ZNF281: variants seen among roughly 807,000 people sequenced by gnomAD.
ZNF281 encodes zinc finger protein 281, also known as GC-box-binding zinc finger protein 1.
ZNF281 carries 2 observed loss-of-function variants against 58.8 expected under a neutral mutation model. The ratio of observed to expected loss-of-function variants is 0.03; its 90% CI spans 0.01 to 0.11. ZNF281 has a LOEUF of 0.11. ZNF281 is among the 10% of genes least tolerant of loss of function. The pLI, the probability that ZNF281 is intolerant of heterozygous loss-of-function variation, is 1.00. For missense variants in ZNF281, 975 were observed against 1,090.7 expected, an observed-to-expected ratio of 0.89 and a Z score of 1.49; for synonymous variants, 465 against 407.7, an observed-to-expected ratio of 1.14 and a Z score of -1.69.
rs745455190 is a variant in ZNF281, at chr1:200,407,290, G to A, written c.2416C>T (p.Pro806Ser). ...ATCTGGCTAGCTAACTCCTGAGATG[G>A]AATCTGAAAGCCTGTTGAAGACTCT... ...NLESSTGFQIPSQELASQIDP... is the reference protein window; with the variant it reads ...NLESSTGFQISSQELASQIDP... The change falls in exon 2 of 2, where the codon CCA becomes TCA. Residue 806 changes from proline (P) to serine (S), a missense_variant. Physicochemically the swap from Pro to Ser is moderately conservative, Grantham distance 74 (BLOSUM62 -1). Transcript: ENST00000367353. 2 of 1,614,064 alleles carry A rather than the reference G, an allele frequency of 1.2e-6. No individual in the cohort carries two copies. The highest frequency in any genetic ancestry group is 2.7e-5 in the African/African-American group (2 of 74,920).
Position 200,406,267 on chromosome 1 carries a change from AAG to A in ZNF281, c.*749_*750del, listed in dbSNP as rs1654447826. 1 of 152,526 alleles carries A rather than the reference AAG, an allele frequency of 6.6e-6. No individual in the cohort carries two copies. The highest frequency in any genetic ancestry group is 2.4e-5 in the African/African-American group (1 of 41,412). 9.4% of individuals were successfully genotyped at this position (152,526 alleles called of 1,614,324 possible). A position where few individuals can be genotyped will look rare whatever the true frequency, so the allele number is the denominator to read the frequency against. ...TTACAGCCTTGTTACAGTTGAGATCAAGAGAGGGTGCTTTTTTTTTTTCCTTC... is the reference window on the plus strand; with the variant it reads ...TTACAGCCTTGTTACAGTTGAGATCAAGAGGGTGCTTTTTTTTTTTCCTTC... On this transcript the variant is annotated 3_prime_UTR_variant, in exon 2 of 2. Coordinates refer to ENST00000367353, the MANE Select transcript of ZNF281 (RefSeq NM_001281293.2).
rs753580430 is a variant in ZNF281 at position 200,409,126 on chromosome 1, C to T, written c.580G>A (p.Asp194Asn). ...CTGCTACTGCTGCTGAGTAATACGT[C>T]ACGGTGGTGCTGGGCTGGTTGCTGC... Reference protein sequence around the residue: ...VQQQPAQHHRDVLLSSSSRTD... With the variant: ...VQQQPAQHHRNVLLSSSSRTD... Residue 194 changes from aspartate (D) to asparagine (N), a missense_variant, in exon 2 of 2, where the codon GAC (aspartate) becomes AAC (asparagine). Coordinates refer to ENST00000367353, the MANE Select transcript of ZNF281 (RefSeq NM_001281293.2). 1 of 1,614,206 alleles carries T rather than the reference C, an allele frequency of 6.2e-7. No homozygotes were observed. Among genetic ancestry groups the T allele is most frequent in the South Asian group, 1.1e-5 (1 of 91,082 alleles).
At position 200,409,245 on chromosome 1, in the gene ZNF281, G is replaced by A; in HGVS notation, c.461C>T (p.Ala154Val). ...GCCTGGAGACCTCTCTTCAGCTCCA[G>A]CGAACAGCCCCCCATAGTGGTGGTG... Reference protein sequence around the residue: ...HHHHHYGGLFAGAEERSPGLG... With the variant: ...HHHHHYGGLFVGAEERSPGLG... Residue 154 changes from alanine (A) to valine (V), a missense_variant, in exon 2 of 2, where the codon GCT (alanine) becomes GTT (valine). By Grantham distance (64) the Ala-to-Val change is moderately conservative. Coordinates refer to ENST00000367353, the MANE Select transcript of ZNF281 (RefSeq NM_001281293.2). 6.2e-7 allele frequency: 1 copy of A among 1,613,982 alleles called. No homozygotes were observed. Among genetic ancestry groups the A allele is most frequent in the East Asian group, 2.2e-5 (1 of 44,878 alleles).
chr1:200,408,401 C>G lies in ZNF281; in HGVS notation c.1305G>C (p.Gln435His), dbSNP rs753296235. 6.2e-7 allele frequency: 1 copy of G among 1,614,162 alleles called. No homozygotes were observed. Among genetic ancestry groups the G allele is most frequent in the Non-Finnish European group, 8.5e-7 (1 of 1,180,028 alleles). The change falls in exon 2 of 2, where the codon CAG becomes CAC. Residue 435 changes from glutamine (Q) to histidine (H), a missense_variant. Coordinates refer to ENST00000367353, the MANE Select transcript of ZNF281 (RefSeq NM_001281293.2). ...CGGTAGGCATTTCTACTGAGTAACT[C>G]TGCATGTTTATATTATTTGAAATTT... ...ESQISNNINM[Q>H]SYSVEMPTVS... is the part of the protein sequence containing the mutation.
rs1257171528 is a variant in ZNF281 at position 200,408,019 on chromosome 1, G to C, written c.1687C>G (p.Gln563Glu). 6.2e-7 allele frequency: 1 copy of C among 1,614,002 alleles called. No homozygotes were observed. The highest frequency in any genetic ancestry group is 8.5e-7 in the Non-Finnish European group (1 of 1,180,030). ...CCTGCAGACTGAATGACAGACTGTT[G>C]GGAGACCATGTGTCCTACGTTTATA... Reference protein sequence around the residue: ...FSINVGHMVSQQSVIQSAGVS... With the variant: ...FSINVGHMVSEQSVIQSAGVS... Residue 563 changes from glutamine (Q) to glutamate (E), a missense_variant, in exon 2 of 2, where the codon CAA becomes GAA. Coordinates refer to ENST00000367353, the MANE Select transcript of ZNF281 (RefSeq NM_001281293.2).
intron 1 of ZNF281, 60 bp downstream of exon 1, chr1:200,409,886 G>T: frequency 1.1e-6 from 1 of 915,220 alleles, no homozygotes; most frequent in Non-Finnish European, 1.6e-6. Context: ...GGCACGCATG[G>T]TCCTGCGACT....
At position 200,408,431 on chromosome 1, in the gene ZNF281, T is replaced by C. The variant is rs142864701; in HGVS notation, c.1275A>G (p.Glu425=). The C allele has an allele frequency of 9.2e-4, 1,488 of 1,614,128 alleles. 2 individuals are homozygous for C. The highest frequency in any genetic ancestry group is 1.0e-3 in the Non-Finnish European group (1,201 of 1,180,002). ...TGTTTATATTATTTGAAATTTGCGA[T>C]TCATTTGTTTTACCGGTCTTCTGTT... ...NKEQKTGKTN[E]SQISNNINMQ... Residue 425 remains glutamate (E), a synonymous_variant, in exon 2 of 2, where the codon GAA becomes GAG. Coordinates refer to ENST00000367353, the MANE Select transcript of ZNF281 (RefSeq NM_001281293.2).
chr1:200,409,745 G>C, intron 1 of ZNF281, 22 bp from the exon 2 acceptor site: 1 of 1,583,910 alleles, frequency 6.3e-7, no homozygotes, highest in African/African-American at 1.3e-5. Flanking sequence ...AGGAGGAAGA[G>C]GGAAGAGGGA....
In ZNF281 at chr1:200,408,507, C is replaced by T. The variant is rs1263714244; in HGVS notation, c.1199G>A (p.Ser400Asn). Residue 400 changes from serine to asparagine, a missense_variant, in exon 2 of 2, where the codon AGT (serine) becomes AAT (asparagine). Ser to Asn is a conservative substitution (Grantham distance 46). Coordinates refer to ENST00000367353, the MANE Select transcript of ZNF281 (RefSeq NM_001281293.2). ...TGACTTTGTTTTTCTCCTTGAAGAA[C>T]TTGTATTTCCCTGAGACAACACAGC... The part of the protein sequence containing the change: ...NLAVLSQGNT[S>N]SSRRKTKSKS... 5.6e-6 allele frequency: 9 copies of T among 1,614,062 alleles called. No individual in the cohort carries two copies. The highest frequency in any genetic ancestry group is 1.6e-4 in the Middle Eastern group (1 of 6,082).
chr1:200,409,246 C>G lies in ZNF281; in HGVS notation c.460G>C (p.Ala154Pro). The G allele has an allele frequency of 6.2e-7, 1 of 1,613,966 alleles. No individual in the cohort carries two copies. The highest frequency in any genetic ancestry group is 1.3e-5 in the African/African-American group (1 of 75,020). ...CCTGGAGACCTCTCTTCAGCTCCAG[C>G]GAACAGCCCCCCATAGTGGTGGTGG... is the stretch of plus-strand genomic sequence containing the variant. ...HHHHHYGGLF[A>P]GAEERSPGLG... Residue 154 changes from alanine to proline, a missense_variant, in exon 2 of 2, where the codon GCT (alanine) becomes CCT (proline). Transcript: ENST00000367353.
At position 200,409,707 on chromosome 1, in the gene ZNF281, C is replaced by A. The variant is rs1174756198; in HGVS notation, c.-2G>T. On this transcript the variant is annotated 5_prime_UTR_variant, in exon 2 of 2. Transcript: ENST00000367353. Reference sequence around the variant, plus strand: ...CAGGAACCCACTGCCGATTTTCATACCCCGGAGGAGGCCTGGCTGAAGAAA... The same window carrying A: ...CAGGAACCCACTGCCGATTTTCATAACCCGGAGGAGGCCTGGCTGAAGAAA... 1 of 1,593,070 alleles carries A rather than the reference C, an allele frequency of 6.3e-7. No homozygotes were observed. The highest frequency in any genetic ancestry group is 1.1e-5 in the South Asian group (1 of 88,258).
chr1:200,406,166 G>C lies in ZNF281; in HGVS notation c.*852C>G, dbSNP rs1654445333. 1 of 152,436 alleles carries C rather than the reference G, an allele frequency of 6.6e-6. No individual in the cohort carries two copies. Among genetic ancestry groups the C allele is most frequent in the African/African-American group, 2.4e-5 (1 of 41,424 alleles). 9.4% of individuals were successfully genotyped at this position (152,436 alleles called of 1,614,324 possible). ...TCAGTTAATCATATAATTTCAACTT[G>C]AGTTCTAATACTGGAACCAGCCAAC... On this transcript the variant is annotated 3_prime_UTR_variant, in exon 2 of 2. Coordinates refer to ENST00000367353, the MANE Select transcript of ZNF281 (RefSeq NM_001281293.2).
Position 200,408,029 on chromosome 1 carries a change from G to T in ZNF281, c.1677C>A (p.His559Gln). 1.2e-6 allele frequency: 2 copies of T among 1,614,234 alleles called. No homozygotes were observed. The highest frequency in any genetic ancestry group is 1.7e-6 in the Non-Finnish European group (2 of 1,180,040). Residue 559 changes from histidine to glutamine, a missense_variant, in exon 2 of 2, where the codon CAC becomes CAA. By Grantham distance (24) the His-to-Gln change is conservative. This residue lies in a region of ZNF281 where 579 missense variants were observed against 608.9 expected (regional missense o/e 0.95). Coordinates refer to ENST00000367353, the MANE Select transcript of ZNF281 (RefSeq NM_001281293.2). Reference sequence around the variant, plus strand: ...GAATGACAGACTGTTGGGAGACCATGTGTCCTACGTTTATAGAAAAGGCAC... The same window carrying T: ...GAATGACAGACTGTTGGGAGACCATTTGTCCTACGTTTATAGAAAAGGCAC... ...SNSAFSINVG[H>Q]MVSQQSVIQS...
Position 200,409,223 on chromosome 1 carries a change from T to G in ZNF281, c.483A>C (p.Pro161=), listed in dbSNP as rs1233474413. The G allele has an allele frequency of 6.2e-7, 1 of 1,614,074 alleles. No homozygotes were observed. The highest frequency in any genetic ancestry group is 1.7e-5 in the Admixed American group (1 of 60,006). Residue 161 remains proline, a synonymous_variant, in exon 2 of 2, where the codon CCA becomes CCC. Coordinates refer to ENST00000367353, the MANE Select transcript of ZNF281 (RefSeq NM_001281293.2). ...GLFAGAEERS[P]GLGGGEGGSH... ...TCCCCCCTTCACCGCCTCCTAGGCCTGGAGACCTCTCTTCAGCTCCAGCGA... is the reference window on the plus strand; with the variant it reads ...TCCCCCCTTCACCGCCTCCTAGGCCGGGAGACCTCTCTTCAGCTCCAGCGA...
At position 200,407,453 on chromosome 1, in the gene ZNF281, A is replaced by C. The variant is rs1374999011; in HGVS notation, c.2253T>G (p.Ala751=). ...FGSQPGLYLS[A]LDATHQQLTP... is the part of the protein sequence containing the mutation. ...TCAACTGCTGATGTGTAGCATCCAA[A>C]GCAGACAAATAAAGACCTGGCTGAG... Residue 751 remains alanine, a synonymous_variant, in exon 2 of 2, where the codon GCT becomes GCG. Coordinates refer to ENST00000367353, the MANE Select transcript of ZNF281 (RefSeq NM_001281293.2). The C allele has an allele frequency of 6.2e-7, 1 of 1,614,240 alleles. No homozygotes were observed.
rs139544425 is a variant in ZNF281, at chr1:200,408,377, G to C, written c.1329C>G (p.Thr443=). The change falls in exon 2 of 2, where the codon ACC becomes ACG. Residue 443 remains threonine (T), a synonymous_variant. Transcript: ENST00000367353. The stretch of plus-strand genomic sequence containing the variant: ...CAATTATGCCTCCACTGGAAGACAC[G>C]GTAGGCATTTCTACTGAGTAACTCT... ...NMQSYSVEMP[T]VSSSGGIIGT... The C allele has an allele frequency of 3.7e-6, 6 of 1,613,920 alleles. No individual in the cohort carries two copies. The highest frequency in any genetic ancestry group is 2.2e-5 in the East Asian group (1 of 44,894).
In ZNF281 at chr1:200,406,760, G is replaced by C. The variant is rs1326846848; in HGVS notation, c.*258C>G. On this transcript the variant is annotated 3_prime_UTR_variant, in exon 2 of 2. Coordinates refer to ENST00000367353, the MANE Select transcript of ZNF281 (RefSeq NM_001281293.2). ...TAAAACATTTGGGCTATTCCCTGAC[G>C]ATCTATACATGTAAATTTGATTGCT... 1.0e-5 allele frequency: 3 copies of C among 294,260 alleles called. No individual in the cohort carries two copies. Among genetic ancestry groups the C allele is most frequent in the Admixed American group, 5.0e-5 (1 of 19,860 alleles). 18.2% of individuals were successfully genotyped at this position (294,260 alleles called of 1,614,324 possible). A position where few individuals can be genotyped will look rare whatever the true frequency, so the allele number is the denominator to read the frequency against.
Position 200,406,985 on chromosome 1 carries a change from T to C in ZNF281, c.*33A>G, listed in dbSNP as rs377661439. 267 of 1,552,898 alleles carry C rather than the reference T, an allele frequency of 1.7e-4. 2 individuals carry two copies. The African/African-American group carries it at 3.2e-3, about 19-fold the overall frequency. On this transcript the variant is annotated 3_prime_UTR_variant, in exon 2 of 2. Transcript: ENST00000367353. ...TTCTCAAAATAAAACAAAATTACAT[T>C]AGAAGACCTCCAGCCTGGCCACTTT...
Position 200,407,226 on chromosome 1 carries a change from T to C in ZNF281, c.2480A>G (p.Gln827Arg). Residue 827 changes from glutamine (Q) to arginine (R), a missense_variant, in exon 2 of 2, where the codon CAG (glutamine) becomes CGG (arginine). Physicochemically the swap from Gln to Arg is conservative, Grantham distance 43. Transcript: ENST00000367353. ...QKDIEPRTTY[Q>R]IENFAQAFGS... ...AAACGCTTGTGCAAAGTTCTCAATC[T>C]GATACGTTGTTCTAGGCTCTATGTC... is the stretch of plus-strand genomic sequence containing the variant. 1 of 1,614,268 alleles carries C rather than the reference T, an allele frequency of 6.2e-7. No homozygotes were observed. Among genetic ancestry groups the C allele is most frequent in the Non-Finnish European group, 8.5e-7 (1 of 1,180,046 alleles).
Sources: allele counts gnomAD v4.1 joint callset, GRCh38; gene constraint gnomAD v4.1.1; regional missense constraint gnomAD v4.1.1; transcripts MANE v1.5; gene names NCBI Gene and HGNC (gene_info 2026-07-23, HGNC 2026-07-21).